The following PACC1 variants were observed in gnomAD, a reference collection of about 807,000 sequenced individuals.
PACC1 encodes the protein proton activated chloride channel 1.
PACC1 carries 34 observed loss-of-function variants against 39.7 expected under a neutral mutation model. The ratio of observed to expected loss-of-function variants is 0.86; its 90% CI spans 0.65 to 1.14. The LOEUF is 1.14. Among genes scored for constraint, PACC1 ranks in the 50% most tolerant of loss-of-function variants. PACC1 has a pLI of 0.00. For synonymous variants in PACC1, 127 were observed against 160.6 expected, an observed-to-expected ratio of 0.79 and a Z score of 1.58; for missense variants, 379 against 436.4, an observed-to-expected ratio of 0.87 and a Z score of 1.17.
At chr1:212,374,132 G>A (rs1420884604) in intron 7 of PACC1, among the ~76,000 whole-genome samples, 2 of 151,384 alleles carry the variant, frequency 1.3e-5, no homozygotes, top group African/African-American at 4.9e-5. Context: ...CAACAGCCAA[G>A]ATATGGAATC....
At chr1:212,387,820 G>A (rs1406082349) in intron 2 of PACC1, 2 of 152,188 alleles carry the variant, frequency 1.3e-5, no homozygotes, top group African/African-American at 2.4e-5. Context: ...TTGGGAGGCC[G>A]AGGCAGGAGG....
intron 1 of PACC1, among the ~76,000 whole-genome samples, chr1:212,411,417 T>G (rs1662123184): frequency 6.6e-6 from 1 of 152,120 alleles, no homozygotes; most frequent in African/African-American, 2.4e-5. Context: ...CAGGGATAGG[T>G]GCTGATTATA....
In PACC1 at chr1:212,365,206, G is replaced by A. The variant is rs374085267; in HGVS notation, c.*9C>T. 18 of 1,611,820 alleles carry A rather than the reference G, an allele frequency of 1.1e-5. No homozygotes were observed. The African/African-American group carries it at 2.0e-4, about 18-fold the overall frequency. ...ATGTGGACAGTTCTCTAAACAACGC[G>A]AGGTGACTTCAGCTTATGTGGCTCG... is the stretch of plus-strand genomic sequence containing the variant. On this transcript the variant is annotated 3_prime_UTR_variant, in exon 8 of 8. Transcript: ENST00000261455.
intron 2 of PACC1, among the ~76,000 whole-genome samples, chr1:212,409,280 C>T (rs955799360): frequency 2.6e-5 from 4 of 152,024 alleles, no homozygotes; most frequent in African/African-American, 9.7e-5. Flanking sequence ...AAAGGAGAGG[C>T]GCGTGGACTA....
At chr1:212,399,942 T>C (rs1387978378) in intron 2 of PACC1, among the ~76,000 whole-genome samples, 1 of 151,854 alleles carries the variant, frequency 6.6e-6, no homozygotes, top group South Asian at 2.1e-4. Flanking sequence ...CCTCCTGGGG[T>C]CCAGTGATTC....
At chr1:212,413,801 T>C in intron 1 of PACC1, 4 of 1,335,774 alleles carry the variant, frequency 3.0e-6, no homozygotes, top group Non-Finnish European at 4.0e-6. Context: ...TCAAGGCAAA[T>C]CTGGAGAGTA....
At chr1:212,401,047 G>A (rs1661692093) in intron 2 of PACC1, among the ~76,000 whole-genome samples, 1 of 151,916 alleles carries the variant, frequency 6.6e-6, no homozygotes, top group Admixed American at 6.6e-5. Flanking sequence ...TGTTTAGTGT[G>A]GTCAATTTTG....
chr1:212,365,184 T>C lies in PACC1; in HGVS notation c.*31A>G, dbSNP rs1472139732. On this transcript the variant is annotated 3_prime_UTR_variant, in exon 8 of 8. Coordinates refer to ENST00000261455, the MANE Select transcript of PACC1 (RefSeq NM_018252.3). ...GAAGTGATGACAGCTCCCATTGATGTGGACAGTTCTCTAAACAACGCGAGG... is the reference window on the plus strand; with the variant it reads ...GAAGTGATGACAGCTCCCATTGATGCGGACAGTTCTCTAAACAACGCGAGG... The C allele has an allele frequency of 1.2e-6, 2 of 1,603,786 alleles. No individual in the cohort carries two copies. Among genetic ancestry groups the C allele is most frequent in the African/African-American group, 2.7e-5 (2 of 74,406 alleles).
rs181472659 is a variant in PACC1 at position 212,399,594 on chromosome 1, C to A, written c.133+10831G>T. Among the ~76,000 whole-genome samples, 3 of 152,032 alleles carry A rather than the reference C, an allele frequency of 2.0e-5. No homozygotes were observed. The East Asian group carries it at 5.8e-4, about 29-fold the overall frequency. Reference sequence around the variant, plus strand: ...TCTCACTCTGTCACTCAGGCTGGAGCGCAGTGGCATGATTTTTGGCTCACT... The same window carrying A: ...TCTCACTCTGTCACTCAGGCTGGAGAGCAGTGGCATGATTTTTGGCTCACT... On this transcript the variant is annotated intron_variant, in intron 2 of 7. Transcript: ENST00000261455.
chr1:212,375,623 G>A (rs1300462721), intron 6 of PACC1, among the ~76,000 whole-genome samples: 6 of 152,186 alleles, frequency 3.9e-5, no homozygotes, highest in Non-Finnish European at 7.3e-5. Context: ...GTTGGCTCAC[G>A]TCTGTAATCC....
At chr1:212,404,071 A>C (rs901143748) in intron 2 of PACC1, among the ~76,000 whole-genome samples, 2 of 149,814 alleles carry the variant, frequency 1.3e-5, no homozygotes, top group African/African-American at 4.9e-5. Flanking sequence ...TCCTCACTTT[A>C]CTCCTCTTAC....
intron 4 of PACC1, among the ~76,000 whole-genome samples, 199 bp from the exon 5 acceptor site, chr1:212,380,236 C>A (rs1660828557): frequency 6.6e-6 from 1 of 152,206 alleles, no homozygotes; most frequent in Non-Finnish European, 1.5e-5. Flanking sequence ...CCAACCAGAG[C>A]TGAATGCAGC....
chr1:212,406,544 T>C (rs142482098), intron 2 of PACC1, among the ~76,000 whole-genome samples: 2 of 151,294 alleles, frequency 1.3e-5, no homozygotes, highest in East Asian at 3.9e-4. Flanking sequence ...AGGCAAGAAA[T>C]GAGCTCTGAG....
Position 212,377,665 on chromosome 1 carries a change from T to C in PACC1, c.680A>G (p.Tyr227Cys), listed in dbSNP as rs753145538. Residue 227 changes from tyrosine to cysteine, a missense_variant, in exon 6 of 8, where the codon TAT (tyrosine) becomes TGT (cysteine). Tyr to Cys is a radical substitution (Grantham distance 194). Transcript: ENST00000261455. Reference sequence around the variant, plus strand: ...GCCCCCAGAGAACTTCCAGCTGGAATAGGCACTCTCACAGGCCTGCATGAA... The same window carrying C: ...GCCCCCAGAGAACTTCCAGCTGGAACAGGCACTCTCACAGGCCTGCATGAA... ...VGFMQACESA[Y>C]SSWKFSGGFR... 3.7e-6 allele frequency: 6 copies of C among 1,614,146 alleles called. No homozygotes were observed. The highest frequency in any genetic ancestry group is 1.1e-5 in the South Asian group (1 of 91,080).
At chr1:212,403,972 C>G (rs533517999) in intron 2 of PACC1, among the ~76,000 whole-genome samples, 1 of 152,178 alleles carries the variant, frequency 6.6e-6, no homozygotes. Context: ...TCCTTCTCCC[C>G]CTCTGCTACA....
chr1:212,375,995 A>G (rs1440602377), intron 6 of PACC1, among the ~76,000 whole-genome samples: 1 of 152,234 alleles, frequency 6.6e-6, no homozygotes, highest in Admixed American at 6.5e-5. Flanking sequence ...CAGATCAAGT[A>G]TTTCTCTGAA....
chr1:212,380,504 T>C (rs1256817399), intron 4 of PACC1, among the ~76,000 whole-genome samples: 1 of 152,206 alleles, frequency 6.6e-6, no homozygotes, highest in Non-Finnish European at 1.5e-5. Context: ...CCTCTATTTC[T>C]TTATAGCACT....
intron 1 of PACC1, among the ~76,000 whole-genome samples, chr1:212,412,639 C>T (rs1334231253): frequency 6.6e-6 from 1 of 152,220 alleles, no homozygotes; most frequent in Admixed American, 6.5e-5. Flanking sequence ...GGAGATGCCT[C>T]CAAAGAGAAA....
chr1:212,391,986 C>T (rs1372586074), intron 2 of PACC1, among the ~76,000 whole-genome samples: 6 of 152,070 alleles, frequency 3.9e-5, no homozygotes, highest in African/African-American at 9.7e-5. Flanking sequence ...CTGAAAGTGA[C>T]GGGGAGAATG....
Sources: gnomAD v4.1 joint callset for allele counts (sites outside exome capture counted in the v4.1 genomes callset) on GRCh38, gnomAD v4.1.1 for gene constraint, MANE v1.5 for transcripts, NCBI Gene and HGNC (gene_info 2026-07-23, HGNC 2026-07-21) for gene names.